Variants in ARID5B observed in about 807,000 individuals in gnomAD.
ARID5B encodes the protein AT-rich interactive domain-containing protein 5B.
ARID5B carries 13 observed loss-of-function variants against 97.2 expected under a neutral mutation model. The ratio of observed to expected loss-of-function variants is 0.13; its 90% CI spans 0.09 to 0.21. The LOEUF (loss-of-function observed/expected upper bound fraction) is 0.21, where lower values mean the gene tolerates loss of function less well. Ranked by LOEUF, ARID5B falls within the 10% of genes least tolerant of loss-of-function variation. The probability of loss-of-function intolerance (pLI) is 1.00; values close to 1 mark genes in which losing one functional copy is unlikely to be tolerated. For missense variants in ARID5B, 1,210 were observed against 1,465.3 expected, an observed-to-expected ratio of 0.83 and a Z score of 2.84; for synonymous variants, 556 against 570.3, an observed-to-expected ratio of 0.97 and a Z score of 0.36.
At chr10:61,918,566 A>C (rs74156285) in intron 2 of ARID5B, among the ~76,000 whole-genome samples, 301 of 152,356 alleles carry the variant, frequency 2.0e-3, no homozygotes, top group African/African-American at 6.9e-3. Context: ...TTTGAAAAAC[A>C]GGAACTAAGG....
chr10:61,918,090 G>C (rs1026837655), intron 2 of ARID5B, among the ~76,000 whole-genome samples: 2 of 152,198 alleles, frequency 1.3e-5, no homozygotes, highest in East Asian at 3.8e-4. Context: ...AGAGAGCACA[G>C]GTCTAGTGGG....
intron 3 of ARID5B, among the ~76,000 whole-genome samples, chr10:61,944,611 A>C (rs1292726774): frequency 6.6e-6 from 1 of 152,216 alleles, no homozygotes; most frequent in Non-Finnish European, 1.5e-5. Flanking sequence ...TGGCCTATAA[A>C]TATGTCATTA....
chr10:62,095,405 T>C lies in ARID5B; in HGVS notation c.*2375T>C. On this transcript the variant is annotated 3_prime_UTR_variant, in exon 10 of 10. Transcript: ENST00000279873. ...AAGGAGGGGGGGCATCTGTCCCCGG[T>C]GGAGCTCACCTATTTGGAATATGGG... 1 of 233,414 alleles carries C rather than the reference T, an allele frequency of 4.3e-6. No individual in the cohort carries two copies. Among genetic ancestry groups the C allele is most frequent in the Non-Finnish European group, 8.5e-6 (1 of 117,998 alleles). The allele number at this position is 233,414 out of a possible 1,614,324, so 14.5% of individuals were successfully genotyped here.
At chr10:62,015,964 T>A (rs540971792) in intron 4 of ARID5B, among the ~76,000 whole-genome samples, 163 of 152,352 alleles carry the variant, frequency 1.1e-3, no homozygotes, top group Middle Eastern at 6.8e-3. Context: ...TTCAGCCTTA[T>A]CTGGCATATG....
chr10:61,964,336 T>C (rs1281689939), intron 3 of ARID5B, among the ~76,000 whole-genome samples: 1 of 152,162 alleles, frequency 6.6e-6, no homozygotes, highest in Non-Finnish European at 1.5e-5. Context: ...TCTCTCAGTA[T>C]TTTAAACTGA....
intron 3 of ARID5B, among the ~76,000 whole-genome samples, chr10:61,981,354 T>G (rs1443607312): frequency 6.6e-6 from 1 of 152,156 alleles, no homozygotes; most frequent in Non-Finnish European, 1.5e-5. Flanking sequence ...CACTTTCCAC[T>G]CACCGCAATC....
intron 3 of ARID5B, among the ~76,000 whole-genome samples, chr10:61,982,503 A>G (rs997989627): frequency 6.6e-6 from 1 of 152,206 alleles, no homozygotes; most frequent in Non-Finnish European, 1.5e-5. Flanking sequence ...TCTGAGTTAA[A>G]AAAAATGCTT....
intron 3 of ARID5B, among the ~76,000 whole-genome samples, chr10:61,984,465 G>GTC (rs1292192219): frequency 6.6e-6 from 1 of 152,200 alleles, no homozygotes; most frequent in Non-Finnish European, 1.5e-5. Context: ...TGCTTGCATG[G>GTC]TCTCTTTCTC....
At chr10:62,006,749 G>T (rs1336034926) in intron 4 of ARID5B, among the ~76,000 whole-genome samples, 1 of 152,182 alleles carries the variant, frequency 6.6e-6, no homozygotes, top group Non-Finnish European at 1.5e-5. Flanking sequence ...AGAATTTTGT[G>T]TGTTGCTACT....
At chr10:61,940,085 C>G in intron 2 of ARID5B, 98 bp from the exon 3 acceptor site, 1 of 1,077,598 alleles carries the variant, frequency 9.3e-7, no homozygotes, top group East Asian at 2.4e-5. Flanking sequence ...TAGGTTAAAC[C>G]ACTCACATGG....
At chr10:62,009,224 G>T (rs924332799) in intron 4 of ARID5B, among the ~76,000 whole-genome samples, 2 of 152,176 alleles carry the variant, frequency 1.3e-5, no homozygotes, top group Non-Finnish European at 2.9e-5. Flanking sequence ...TGTCTTAAAA[G>T]CTCTCCTTAG....
intron 4 of ARID5B, among the ~76,000 whole-genome samples, chr10:62,022,607 A>G (rs1839370731): frequency 6.6e-6 from 1 of 152,164 alleles, no homozygotes; most frequent in Admixed American, 6.5e-5. Context: ...CTATGTGTCC[A>G]CAAGCCTAGT....
rs148078376 is a variant in ARID5B, at chr10:62,091,668, C to T, written c.2205C>T (p.Thr735=). 2 of 1,614,112 alleles carry T rather than the reference C, an allele frequency of 1.2e-6. No homozygotes were observed. Among genetic ancestry groups the T allele is most frequent in the Admixed American group, 3.3e-5 (2 of 60,026 alleles). ...RDDLCSSLSQ[T]HHGQSTDHMA... ...ACTTGTGTTCCAGTTTGTCCCAGACCCACCATGGCCAAAGCACTGACCATA... is the reference window on the plus strand; with the variant it reads ...ACTTGTGTTCCAGTTTGTCCCAGACTCACCATGGCCAAAGCACTGACCATA... The change falls in exon 10 of 10, where the codon ACC becomes ACT. Residue 735 remains threonine, a synonymous_variant. Transcript: ENST00000279873.
chr10:62,028,418 G>A (rs537086036), intron 4 of ARID5B, among the ~76,000 whole-genome samples: 1 of 152,198 alleles, frequency 6.6e-6, no homozygotes, highest in South Asian at 2.1e-4. Context: ...TTTGTCTCAG[G>A]GAACAAAGTC....
Position 62,095,384 on chromosome 10 carries a change from A to AG in ARID5B, c.*2361dup, listed in dbSNP as rs144577578. 0.044 allele frequency: 10,242 copies of AG among 231,920 alleles called. 941 individuals carry two copies. The highest frequency in any genetic ancestry group is 0.22 in the Admixed American group (3,954 of 17,648). 14.4% of individuals were successfully genotyped at this position (231,920 alleles called of 1,614,324 possible). On this transcript the variant is annotated 3_prime_UTR_variant, in exon 10 of 10. Transcript: ENST00000279873. ...GAGTTCGTGTCTCAAAAAAAAAAGG[A>AG]GGGGGGGCATCTGTCCCCGGTGGAG...
At chr10:62,033,172 A>G (rs780546951) in intron 4 of ARID5B, among the ~76,000 whole-genome samples, 9 of 152,208 alleles carry the variant, frequency 5.9e-5, no homozygotes, top group African/African-American at 2.2e-4. Context: ...AATGATTCCA[A>G]TGAGCCTCGG....
At chr10:61,911,697 T>C (rs1843807052) in intron 2 of ARID5B, among the ~76,000 whole-genome samples, 1 of 152,212 alleles carries the variant, frequency 6.6e-6, no homozygotes, top group East Asian at 1.9e-4. Flanking sequence ...CTGTGATTCA[T>C]AGGCCATACA....
intron 3 of ARID5B, among the ~76,000 whole-genome samples, chr10:61,951,406 G>A (rs1216359714): frequency 1.3e-5 from 2 of 152,080 alleles, no homozygotes; most frequent in African/African-American, 4.8e-5. Flanking sequence ...TCTTCCGTTG[G>A]GCAGCCCCAC....
chr10:61,942,006 G>A (rs1426589747), intron 3 of ARID5B, among the ~76,000 whole-genome samples: 11 of 151,762 alleles, frequency 7.2e-5, no homozygotes, highest in Non-Finnish European at 1.6e-4. Flanking sequence ...CCTTTCTTTT[G>A]TTTGTTTAAT....
Sources: gnomAD v4.1 joint callset for allele counts (sites outside exome capture counted in the v4.1 genomes callset) on GRCh38, gnomAD v4.1.1 for gene constraint, MANE v1.5 for transcripts, NCBI Gene and HGNC (gene_info 2026-07-23, HGNC 2026-07-21) for gene names.